DOCK7: variants seen among roughly 807,000 people sequenced by gnomAD.
DOCK7 encodes the protein dedicator of cytokinesis protein 7.
A neutral mutation model predicts 271.0 loss-of-function variants in DOCK7; 138 were observed. The observed-to-expected ratio is 0.51, with a 90% CI of 0.44 to 0.59. The LOEUF is 0.59. Ranked by LOEUF, DOCK7 falls within the 20% of genes least tolerant of loss-of-function variation. DOCK7 has a pLI of 0.00. For missense variants in DOCK7, 2,066 were observed against 2,592.4 expected (o/e 0.80, Z 4.41); for synonymous variants, 823 against 876.1 (o/e 0.94, Z 1.07).
chr1:62,503,506 T>C (rs1646846142), intron 37 of DOCK7, among the ~76,000 whole-genome samples: 1 of 151,812 alleles, frequency 6.6e-6, no homozygotes, highest in Non-Finnish European at 1.5e-5. Context: ...GGTGTGTTCA[T>C]AGCTCACTGC....
Position 62,684,804 on chromosome 1 carries a change from G to C in DOCK7, c.38+3423C>G, listed in dbSNP as rs546903626. 7.2e-5 allele frequency among the ~76,000 whole-genome samples: 11 copies of C among 152,266 alleles called. No homozygotes were observed. In the South Asian group the frequency reaches 2.3e-3, roughly 32 times the overall value. ...ACATGCTGCTTTTCTATGGTGAGCT[G>C]AAGTAAACAGTATAATTAGTGATAA... On this transcript the variant is annotated intron_variant, in intron 1 of 49. Transcript: ENST00000635253.
intron 43 of DOCK7, chr1:62,479,815 C>T (rs541003475): frequency 4.9e-6 from 1 of 204,448 alleles, no homozygotes; most frequent in Admixed American, 5.0e-5. Context: ...TCCTGAGTAG[C>T]TAGGACTACA....
intron 12 of DOCK7, among the ~76,000 whole-genome samples, chr1:62,621,085 T>G (rs1344787510): frequency 6.6e-6 from 1 of 150,840 alleles, no homozygotes; most frequent in Admixed American, 6.6e-5. Flanking sequence ...CAATGCAAAA[T>G]CTGCAGCACT....
At chr1:62,647,839 T>C (rs900149870) in intron 6 of DOCK7, 63 bp from the exon 7 acceptor site, 2 of 1,273,654 alleles carry the variant, frequency 1.6e-6, no homozygotes, top group African/African-American at 1.5e-5. Context: ...TTTATCTTTT[T>C]CAGAACTTAC....
intron 14 of DOCK7, chr1:62,597,465 C>T: frequency 3.0e-6 from 4 of 1,316,290 alleles, no homozygotes; most frequent in South Asian, 1.4e-5. Context: ...ACCAACCTTA[C>T]CTTTTCTGGG....
intron 1 of DOCK7, among the ~76,000 whole-genome samples, chr1:62,677,738 T>C (rs910106961): frequency 2.6e-5 from 4 of 152,224 alleles, no homozygotes; most frequent in Non-Finnish European, 4.4e-5. Flanking sequence ...TAACAGGCTC[T>C]GTTTTCTAGG....
chr1:62,466,350 T>C (rs1387864804), intron 48 of DOCK7, among the ~76,000 whole-genome samples: 3 of 152,222 alleles, frequency 2.0e-5, no homozygotes, highest in African/African-American at 7.2e-5. Flanking sequence ...TACTGTTTTG[T>C]ACAAATGCAG....
Position 62,559,034 on chromosome 1 carries a change from G to T in DOCK7, c.2386C>A (p.Leu796Met). 6.2e-7 allele frequency: 1 copy of T among 1,613,662 alleles called. No homozygotes were observed. The highest frequency in any genetic ancestry group is 2.2e-5 in the East Asian group (1 of 44,868). Residue 796 changes from leucine (L) to methionine (M), a missense_variant, in exon 20 of 50, where the codon CTG (leucine) becomes ATG (methionine). Leu to Met is a conservative substitution (Grantham distance 15). Transcript: ENST00000635253. Reference sequence around the variant, plus strand: ...GGAGGTCTAATAACTAAAAGTATCAGTTTATCTAGCAGAAGATGAAGAAAT... The same window carrying T: ...GGAGGTCTAATAACTAAAAGTATCATTTTATCTAGCAGAAGATGAAGAAAT... ...VRFLHLLLDKLILLVIRPPVI... is the reference protein window; with the variant it reads ...VRFLHLLLDKMILLVIRPPVI...
At chr1:62,640,457 G>C (rs899165750) in intron 7 of DOCK7, among the ~76,000 whole-genome samples, 2 of 152,154 alleles carry the variant, frequency 1.3e-5, no homozygotes, top group African/African-American at 4.8e-5. Context: ...GGGAGGCGGA[G>C]GTTGCAGTGA....
At chr1:62,545,332 C>A (rs966482365) in intron 22 of DOCK7, among the ~76,000 whole-genome samples, 4 of 145,150 alleles carry the variant, frequency 2.8e-5, no homozygotes, top group Non-Finnish European at 6.4e-5. Flanking sequence ...CCCACAGCAC[C>A]ACACCCCCAA....
At chr1:62,542,787 G>C in intron 24 of DOCK7, 84 bp from the exon 25 acceptor site, 3 of 1,312,542 alleles carry the variant, frequency 2.3e-6, no homozygotes, top group Non-Finnish European at 3.2e-6. Context: ...TACAAACGAA[G>C]ATATAATGAG....
intron 24 of DOCK7, 49 bp from the exon 25 acceptor site, chr1:62,542,752 A>T: frequency 6.5e-7 from 1 of 1,530,700 alleles, no homozygotes; most frequent in South Asian, 1.2e-5. Flanking sequence ...ATCTGCTGAT[A>T]ACATAAACCA....
At chr1:62,459,611 TTAA>T (rs1476605749) in intron 48 of DOCK7, among the ~76,000 whole-genome samples, 3 of 152,288 alleles carry the variant, frequency 2.0e-5, no homozygotes, top group East Asian at 1.9e-4. Context: ...TGCTAAATTA[TTAA>T]TAATCTGTTA....
At chr1:62,549,609 G>A (rs1206319406) in intron 22 of DOCK7, among the ~76,000 whole-genome samples, 2 of 151,558 alleles carry the variant, frequency 1.3e-5, no homozygotes, top group Admixed American at 6.6e-5. Flanking sequence ...GGATGAGTGG[G>A]GTATCCATCA....
intron 43 of DOCK7, 53 bp from the exon 44 acceptor site, chr1:62,477,878 G>A: frequency 1.3e-6 from 2 of 1,507,614 alleles, no homozygotes; most frequent in South Asian, 1.4e-5. Context: ...AAATCTTCCT[G>A]TTTTTCACAT....
intron 29 of DOCK7, among the ~76,000 whole-genome samples, chr1:62,530,441 C>T (rs991913664): frequency 2.2e-4 from 33 of 152,194 alleles, no homozygotes; most frequent in African/African-American, 7.0e-4. Context: ...TTCAAATATG[C>T]CTTTCCTATC....
intron 18 of DOCK7, among the ~76,000 whole-genome samples, chr1:62,564,848 A>G (rs1210275493): frequency 6.6e-6 from 1 of 152,186 alleles, no homozygotes; most frequent in Non-Finnish European, 1.5e-5. Context: ...TAGATGCAAT[A>G]AAAAACGATA....
Position 62,455,274 on chromosome 1 carries a change from T to C in DOCK7, c.*140A>G. 1 of 858,096 alleles carries C rather than the reference T, an allele frequency of 1.2e-6. No individual in the cohort carries two copies. Among genetic ancestry groups the C allele is most frequent in the East Asian group, 2.6e-5 (1 of 37,966 alleles). The allele number at this position is 858,096 out of a possible 1,614,324, so 53.2% of individuals were successfully genotyped here. A position where few individuals can be genotyped will look rare whatever the true frequency, so the allele number is the denominator to read the frequency against. On this transcript the variant is annotated 3_prime_UTR_variant, in exon 50 of 50. Coordinates refer to ENST00000635253, the MANE Select transcript of DOCK7 (RefSeq NM_001367561.1). ...ATTCTCAAGCGTTAACAATCTACATTTGATATTTTCTTGGCCACTGCATTC... is the reference window on the plus strand; with the variant it reads ...ATTCTCAAGCGTTAACAATCTACATCTGATATTTTCTTGGCCACTGCATTC...
intron 1 of DOCK7, among the ~76,000 whole-genome samples, chr1:62,682,337 A>C (rs1661263100): frequency 6.6e-6 from 1 of 152,224 alleles, no homozygotes; most frequent in African/African-American, 2.4e-5. Flanking sequence ...TAGATCAGCT[A>C]GTAGCTTTCT....
Sources: allele counts gnomAD v4.1 joint callset (sites outside exome capture counted in the v4.1 genomes callset), GRCh38; gene constraint gnomAD v4.1.1; transcripts MANE v1.5; gene names NCBI Gene and HGNC (gene_info 2026-07-23, HGNC 2026-07-21).